The following FERMT1 variants were observed in gnomAD, a reference collection of about 807,000 sequenced individuals.
FERMT1 encodes the protein fermitin family homolog 1.
A neutral mutation model predicts 85.3 loss-of-function variants in FERMT1; 60 were observed. The observed-to-expected ratio is 0.70, with a 90% CI of 0.57 to 0.87. The LOEUF (loss-of-function observed/expected upper bound fraction) is 0.87, where lower values mean the gene tolerates loss of function less well. Among genes scored for constraint, FERMT1 ranks in the 40% least tolerant of loss-of-function variants. The pLI, the probability that FERMT1 is intolerant of heterozygous loss-of-function variation, is 0.00. For synonymous variants in FERMT1, 275 were observed against 301.1 expected (o/e 0.91, Z 0.90); for missense variants, 701 against 818.9 (o/e 0.86, Z 1.76).
chr20:6,107,199 CAAAAAAAAAAAA>C (rs59180891), intron 6 of FERMT1, among the ~76,000 whole-genome samples: 1 of 92,646 alleles, frequency 1.1e-5, no homozygotes, highest in Non-Finnish European at 2.1e-5. Context: ...CTGTCTCAAC[CAAAAAAAAAAAA>C]AAAAAAAAAA....
intron 1 of FERMT1, among the ~76,000 whole-genome samples, chr20:6,121,790 G>A (rs1600453567): frequency 6.6e-6 from 1 of 152,250 alleles, no homozygotes; most frequent in Non-Finnish European, 1.5e-5. Flanking sequence ...ACCACACTGG[G>A]AAACCACTTT....
At position 6,087,786 on chromosome 20, in the gene FERMT1, T is replaced by A. The variant is rs1006124833; in HGVS notation, c.1362A>T (p.Arg454Ser). The A allele has an allele frequency of 2.5e-6, 4 of 1,578,884 alleles. No individual in the cohort carries two copies. The highest frequency in any genetic ancestry group is 2.6e-6 in the Non-Finnish European group (3 of 1,148,010). ...TTGGGGTTTTACTCACATGGTCACA[T>A]CTCAAATACATTTCATTCATACCAT... ...VADGMNEMYLRCDHENQYAQW... is the reference protein window; with the variant it reads ...VADGMNEMYLSCDHENQYAQW... The change falls in exon 11 of 15, where the codon AGA becomes AGT. Residue 454 changes from arginine to serine, a missense_variant. By Grantham distance (110) the Arg-to-Ser change is moderately radical. Coordinates refer to ENST00000217289, the MANE Select transcript of FERMT1 (RefSeq NM_017671.5).
Position 6,075,063 on chromosome 20 carries a change from T to C in FERMT1, c.*2110A>G, listed in dbSNP as rs1226559030. ...CATTTAGGTTTGTTTTTTTTTTTTT[T>C]TGTCACACTTGTTTATTTCTTTGGG... On this transcript the variant is annotated 3_prime_UTR_variant, in exon 15 of 15. Transcript: ENST00000217289. 1 of 151,850 alleles carries C rather than the reference T, an allele frequency of 6.6e-6. No homozygotes were observed. Among genetic ancestry groups the C allele is most frequent in the African/African-American group, 2.4e-5 (1 of 41,292 alleles). 9.4% of individuals were successfully genotyped at this position (151,850 alleles called of 1,614,324 possible).
At chr20:6,103,416 T>A (rs1376886842) in intron 6 of FERMT1, among the ~76,000 whole-genome samples, 2 of 152,232 alleles carry the variant, frequency 1.3e-5, no homozygotes, top group East Asian at 3.8e-4. Context: ...TGTGTGAGTA[T>A]AACTGTGCTA....
intron 10 of FERMT1, among the ~76,000 whole-genome samples, chr20:6,088,485 T>C (rs749923): frequency 0.33 from 50,757 of 152,038 alleles, 8,617 homozygotes; most frequent in South Asian, 0.48. Flanking sequence ...TTTACTAGAC[T>C]GCATTCAAGG....
In FERMT1 at chr20:6,107,199, CAA is replaced by C. The variant is rs59180891; in HGVS notation, c.849+331_849+332del. ...TGACAGAGCAAGACTCTGTCTCAAC[CAA>C]AAAAAAAAAAAAAAAAAAAAGAACT... On this transcript the variant is annotated intron_variant, in intron 6 of 14. Coordinates refer to ENST00000217289, the MANE Select transcript of FERMT1 (RefSeq NM_017671.5). Among the ~76,000 whole-genome samples the C allele has an allele frequency of 0.19, 17,971 of 92,812 alleles. 1,431 individuals are homozygous for C. Among genetic ancestry groups the C allele is most frequent in the East Asian group, 0.45 (1,352 of 3,000 alleles). 60.9% of individuals were successfully genotyped at this position (92,812 alleles called of 152,430 possible).
intron 9 of FERMT1, among the ~76,000 whole-genome samples, chr20:6,090,531 A>G (rs1296156812): frequency 6.6e-6 from 1 of 151,852 alleles, no homozygotes; most frequent in Non-Finnish European, 1.5e-5. Flanking sequence ...GAAGTGAGAG[A>G]ATTGCCTGAG....
In FERMT1 at chr20:6,090,951, C is replaced by G. The variant is rs557796922; in HGVS notation, c.1140-1862G>C. ...GGCCGAGGCAGGCTGATCACTTGAG[C>G]TCAGGAGTTTGAGACCAGTCTGGCC... On this transcript the variant is annotated intron_variant, in intron 9 of 14. Coordinates refer to ENST00000217289, the MANE Select transcript of FERMT1 (RefSeq NM_017671.5). Among the ~76,000 whole-genome samples the G allele has an allele frequency of 1.8e-4, 28 of 151,926 alleles. No individual in the cohort carries two copies. The East Asian group carries it at 5.1e-3, about 28-fold the overall frequency.
At chr20:6,084,019 A>C in intron 13 of FERMT1, 21 bp downstream of exon 13, 1 of 1,614,122 alleles carries the variant, frequency 6.2e-7, no homozygotes, top group Non-Finnish European at 8.5e-7. Flanking sequence ...AGTGTGAGAA[A>C]CAAGTGAACA....
In FERMT1 at chr20:6,086,006, G is replaced by A. The variant is rs6053899; in HGVS notation, c.1372-719C>T. Among the ~76,000 whole-genome samples, 852 of 152,156 alleles carry A rather than the reference G, an allele frequency of 5.6e-3. 6 individuals carry two copies. Among genetic ancestry groups the A allele is most frequent in the African/African-American group, 0.019 (794 of 41,512 alleles). ...AATACAAAAAAATTAGCCAGGCGTGGTGGCAGGCACTTGTAGTCCCAGCTA... is the reference window on the plus strand; with the variant it reads ...AATACAAAAAAATTAGCCAGGCGTGATGGCAGGCACTTGTAGTCCCAGCTA... On this transcript the variant is annotated intron_variant, in intron 11 of 14. Coordinates refer to ENST00000217289, the MANE Select transcript of FERMT1 (RefSeq NM_017671.5).
intron 9 of FERMT1, among the ~76,000 whole-genome samples, chr20:6,094,557 G>A (rs1421761172): frequency 6.6e-6 from 1 of 152,176 alleles, no homozygotes; most frequent in African/African-American, 2.4e-5. Context: ...TGGCGGATGT[G>A]TTTATTATTG....
rs1982831548 is a variant in FERMT1 at position 6,107,512 on chromosome 20, A to G, written c.849+20T>C. 6.9e-7 allele frequency: 1 copy of G among 1,456,800 alleles called. No individual in the cohort carries two copies. Among genetic ancestry groups the G allele is most frequent in the Admixed American group, 1.7e-5 (1 of 59,452 alleles). 90.2% of individuals were successfully genotyped at this position (1,456,800 alleles called of 1,614,324 possible). On this transcript the variant is annotated intron_variant, in intron 6 of 14. Transcript: ENST00000217289. ...CATTCATATTAAAAAGAGAAAGACA[A>G]AAGAGAAAAAGTTGCTTACTTTAGG...
chr20:6,103,381 CT>C (rs1568661222), intron 6 of FERMT1, among the ~76,000 whole-genome samples: 1 of 152,190 alleles, frequency 6.6e-6, no homozygotes, highest in African/African-American at 2.4e-5. Context: ...ATAACCGCCC[CT>C]GTATACCTAC....
At chr20:6,096,682 C>G (rs1982506085) in intron 8 of FERMT1, among the ~76,000 whole-genome samples, 1 of 150,848 alleles carries the variant, frequency 6.6e-6, no homozygotes, top group South Asian at 2.1e-4. Context: ...AAATATAACA[C>G]AAAAGTATTG....
intron 2 of FERMT1, among the ~76,000 whole-genome samples, chr20:6,118,843 T>C (rs1363526576): frequency 3.3e-5 from 5 of 152,162 alleles, no homozygotes; most frequent in African/African-American, 1.2e-4. Flanking sequence ...AATGCCAAGC[T>C]ACTTAAAGTC....
intron 6 of FERMT1, among the ~76,000 whole-genome samples, chr20:6,098,657 T>C (rs1982573094): frequency 6.6e-6 from 1 of 152,022 alleles, no homozygotes; most frequent in Non-Finnish European, 1.5e-5. Context: ...GTGTTGAAAA[T>C]GCCTAGCCAC....
At chr20:6,122,443 C>T (rs2123162614) in intron 1 of FERMT1, among the ~76,000 whole-genome samples, 1 of 152,318 alleles carries the variant, frequency 6.6e-6, no homozygotes, top group South Asian at 2.1e-4. Context: ...CCCGACCCTT[C>T]CCCTGGAATA....
At chr20:6,084,925 T>C in intron 12 of FERMT1, 141 bp downstream of exon 12, 1 of 746,010 alleles carries the variant, frequency 1.3e-6, no homozygotes. Flanking sequence ...ACTCCCAACT[T>C]CAAGTGACCC....
At chr20:6,084,993 G>A (rs572807102) in intron 12 of FERMT1, 73 bp downstream of exon 12, 27 of 1,451,744 alleles carry the variant, frequency 1.9e-5, no homozygotes, top group Middle Eastern at 3.9e-4. Flanking sequence ...ATGCCCAGCC[G>A]GAAATCCTCC....
Sources: gnomAD v4.1 joint callset for allele counts (sites outside exome capture counted in the v4.1 genomes callset) on GRCh38, gnomAD v4.1.1 for gene constraint, MANE v1.5 for transcripts, NCBI Gene and HGNC (gene_info 2026-07-23, HGNC 2026-07-21) for gene names.